PARP1: variants seen among roughly 807,000 people sequenced by gnomAD.
The protein encoded by PARP1 is poly [ADP-ribose] polymerase 1.
In PARP1, 44 loss-of-function variants were observed where a neutral mutation model predicts 118.7. That is an observed-to-expected ratio of 0.37 (90% CI 0.29 to 0.48). The LOEUF is 0.48. Ranked by LOEUF, PARP1 falls within the 20% of genes least tolerant of loss-of-function variation. The pLI is 0.99. For missense variants in PARP1, 1,100 were observed against 1,272.4 expected, an observed-to-expected ratio of 0.86 and a Z score of 2.06; for synonymous variants, 492 against 483.2, an observed-to-expected ratio of 1.02 and a Z score of -0.24.
intron 15 of PARP1, among the ~76,000 whole-genome samples, chr1:226,368,829 G>A (rs1045001112): frequency 1.3e-5 from 2 of 152,198 alleles, no homozygotes; most frequent in African/African-American, 4.8e-5. Flanking sequence ...GAAAGGCTAA[G>A]CAATCCTTAC....
intron 7 of PARP1, among the ~76,000 whole-genome samples, chr1:226,383,627 A>G (rs1326894419): frequency 1.3e-5 from 2 of 152,204 alleles, no homozygotes; most frequent in African/African-American, 4.8e-5. Flanking sequence ...CTGGGAGATT[A>G]TTACCCAAAA....
chr1:226,400,385 C>T (rs181500427), intron 2 of PARP1, among the ~76,000 whole-genome samples: 46 of 152,264 alleles, frequency 3.0e-4, no homozygotes, highest in Admixed American at 4.6e-4. Flanking sequence ...ACTGGAGTCA[C>T]GCCTCACACC....
At chr1:226,405,885 G>A (rs997269757) in intron 1 of PARP1, among the ~76,000 whole-genome samples, 2 of 152,140 alleles carry the variant, frequency 1.3e-5, no homozygotes, top group African/African-American at 4.8e-5. Flanking sequence ...TGGGGCCGAG[G>A]TGCATGGATC....
intron 15 of PARP1, among the ~76,000 whole-genome samples, chr1:226,370,052 T>C (rs915032255): frequency 6.7e-6 from 1 of 149,960 alleles, no homozygotes; most frequent in Non-Finnish European, 1.5e-5. Context: ...TTCTCCTCCA[T>C]GGGTTCTGCA....
chr1:226,373,872 T>C (rs551545731), intron 14 of PARP1, among the ~76,000 whole-genome samples: 1 of 152,140 alleles, frequency 6.6e-6, no homozygotes, highest in South Asian at 2.1e-4. Flanking sequence ...ATTCCTAGCA[T>C]TTGGGGAGAC....
intron 14 of PARP1, among the ~76,000 whole-genome samples, chr1:226,371,740 G>C (rs2102730847): frequency 6.6e-6 from 1 of 152,350 alleles, no homozygotes. Context: ...TGACGGCAGA[G>C]CATGGCCAGA....
chr1:226,362,334 C>T (rs539056189), intron 21 of PARP1: 196 of 455,666 alleles, frequency 4.3e-4, no homozygotes, highest in Middle Eastern at 6.4e-4. Context: ...TACAGGTGCG[C>T]GCCACCACAC....
At chr1:226,363,905 C>T (rs1374000723) in intron 20 of PARP1, 38 bp downstream of exon 20, 3 of 1,611,234 alleles carry the variant, frequency 1.9e-6, no homozygotes, top group Non-Finnish European at 2.5e-6. Flanking sequence ...CACCTGTCCC[C>T]ATGAAATGCC....
At chr1:226,397,421 G>A (rs540511234) in intron 2 of PARP1, among the ~76,000 whole-genome samples, 24 of 150,326 alleles carry the variant, frequency 1.6e-4, no homozygotes, top group African/African-American at 5.7e-4. Flanking sequence ...TTTGCAGTAA[G>A]CAGCTAGTCA....
Position 226,377,196 on chromosome 1 carries a change from T to C in PARP1, c.1853A>G (p.Tyr618Cys). ...CCAAGCGTTCCCGGTTTTTTCTTCATATAATTTCATGAAGTGCTCAATGGC... is the reference window on the plus strand; with the variant it reads ...CCAAGCGTTCCCGGTTTTTTCTTCACATAATTTCATGAAGTGCTCAATGGC... ...EDAIEHFMKLYEEKTGNAWHS... is the reference protein window; with the variant it reads ...EDAIEHFMKLCEEKTGNAWHS... Residue 618 changes from tyrosine to cysteine, a missense_variant, in exon 13 of 23, where the codon TAT becomes TGT. Tyr to Cys is a radical substitution (Grantham distance 194). This residue lies in a region of PARP1 where 948 missense variants were observed against 1,031.8 expected (regional missense o/e 0.92). Coordinates refer to ENST00000366794, the MANE Select transcript of PARP1 (RefSeq NM_001618.4). 2 of 1,614,154 alleles carry C rather than the reference T, an allele frequency of 1.2e-6. No individual in the cohort carries two copies. The highest frequency in any genetic ancestry group is 8.5e-7 in the Non-Finnish European group (1 of 1,180,018).
intron 2 of PARP1, among the ~76,000 whole-genome samples, chr1:226,400,542 G>C (rs984247567): frequency 2.2e-4 from 33 of 152,224 alleles, no homozygotes; most frequent in African/African-American, 8.0e-4. Context: ...TGGTGCCACA[G>C]CCTTGTTCCC....
At chr1:226,379,320 G>C (rs1434927930) in intron 11 of PARP1, 46 bp from the exon 12 acceptor site, 1 of 1,612,574 alleles carries the variant, frequency 6.2e-7, no homozygotes, top group East Asian at 2.2e-5. Context: ...CCCTTGAGGT[G>C]CTAGCACTCT....
chr1:226,364,194 A>C, intron 19 of PARP1, 124 bp from the exon 20 acceptor site: 5 of 925,354 alleles, frequency 5.4e-6, no homozygotes, highest in African/African-American at 1.6e-5. Context: ...TCTAATTCTC[A>C]CAATGCCCAT....
rs766474731 is a variant in PARP1, at chr1:226,380,175, T to C, written c.1301-11A>G. 1 of 1,613,640 alleles carries C rather than the reference T, an allele frequency of 6.2e-7. No individual in the cohort carries two copies. The highest frequency in any genetic ancestry group is 8.5e-7 in the Non-Finnish European group (1 of 1,179,868). ...TCTTTTCCACCTCCTCTGTTCAAATTGAAAGGAAAAAAAACCAAAATACAA... is the reference window on the plus strand; with the variant it reads ...TCTTTTCCACCTCCTCTGTTCAAATCGAAAGGAAAAAAAACCAAAATACAA... On this transcript the variant is annotated splice_polypyrimidine_tract_variant and intron_variant, in intron 9 of 22. Coordinates refer to ENST00000366794, the MANE Select transcript of PARP1 (RefSeq NM_001618.4).
chr1:226,366,975 G>A (rs1664283027), intron 17 of PARP1: 1 of 202,746 alleles, frequency 4.9e-6, no homozygotes. Context: ...TGGTCTAAGC[G>A]GGGTGTTCAG....
intron 2 of PARP1, among the ~76,000 whole-genome samples, chr1:226,394,586 T>G (rs1664878494): frequency 1.3e-5 from 2 of 152,200 alleles, no homozygotes; most frequent in Admixed American, 6.5e-5. Flanking sequence ...CAGCTCTACG[T>G]GTAATATAAC....
At chr1:226,400,684 G>A (rs982145920) in intron 2 of PARP1, among the ~76,000 whole-genome samples, 4 of 152,168 alleles carry the variant, frequency 2.6e-5, no homozygotes, top group African/African-American at 4.8e-5. Context: ...GAGTCCTCCC[G>A]CCACTTCCAG....
chr1:226,390,147 T>C (rs1664795166), intron 4 of PARP1, among the ~76,000 whole-genome samples: 1 of 152,046 alleles, frequency 6.6e-6, no homozygotes, highest in Non-Finnish European at 1.5e-5. Flanking sequence ...AGCTCAGATG[T>C]TGGAAGGGGA....
chr1:226,406,390 T>C (rs1665147988), intron 1 of PARP1, among the ~76,000 whole-genome samples: 1 of 152,240 alleles, frequency 6.6e-6, no homozygotes, highest in Non-Finnish European at 1.5e-5. Flanking sequence ...CCTTGTATAT[T>C]CAAAGTAAGT....
Sources: allele counts gnomAD v4.1 joint callset (sites outside exome capture counted in the v4.1 genomes callset), GRCh38; gene constraint gnomAD v4.1.1; regional missense constraint gnomAD v4.1.1; transcripts MANE v1.5; gene names NCBI Gene and HGNC (gene_info 2026-07-23, HGNC 2026-07-21).